ME3: variants seen among roughly 807,000 people sequenced by gnomAD.
The protein encoded by ME3 is malic enzyme 3, also known as NADP-dependent malic enzyme, mitochondrial.
In ME3, 48 loss-of-function variants were observed where a neutral mutation model predicts 68.9. The observed-to-expected ratio is 0.70, with a 90% CI of 0.55 to 0.89. ME3 has a LOEUF of 0.89. Among genes scored for constraint, ME3 ranks in the 40% least tolerant of loss-of-function variants. The pLI is 0.00. For synonymous variants in ME3, 320 were observed against 318.8 expected (o/e 1.00, Z -0.04); for missense variants, 675 against 797.4 (o/e 0.85, Z 1.85).
chr11:86,642,555 G>T, intron 2 of ME3, among the ~76,000 whole-genome samples: 1 of 152,134 alleles, frequency 6.6e-6, no homozygotes, highest in Non-Finnish European at 1.5e-5. Flanking sequence ...ATAAAGATTT[G>T]CCAGGTGTGG....
chr11:86,483,697 T>C (rs1951539592), intron 7 of ME3, among the ~76,000 whole-genome samples: 1 of 152,188 alleles, frequency 6.6e-6, no homozygotes. Flanking sequence ...TCCCTGTATT[T>C]AGGGTTTGGG....
chr11:86,524,410 AT>A (rs945740251), intron 4 of ME3, among the ~76,000 whole-genome samples: 2 of 152,342 alleles, frequency 1.3e-5, no homozygotes, highest in African/African-American at 4.8e-5. Context: ...GTAGTCACAC[AT>A]TTTTTTCCAC....
At chr11:86,656,205 T>A (rs1430942889) in intron 2 of ME3, among the ~76,000 whole-genome samples, 1 of 151,546 alleles carries the variant, frequency 6.6e-6, no homozygotes. Flanking sequence ...TCCTCAGGGA[T>A]CTAGAACTAG....
chr11:86,504,380 CTTTTTTT>C (rs35899335), intron 5 of ME3, among the ~76,000 whole-genome samples: 6 of 77,394 alleles, frequency 7.8e-5, no homozygotes, highest in East Asian at 7.8e-4. Context: ...CCTATACATT[CTTTTTTT>C]TTTTTTTTTT....
intron 4 of ME3, among the ~76,000 whole-genome samples, chr11:86,524,967 G>T (rs536965866): frequency 6.6e-6 from 1 of 152,208 alleles, no homozygotes; most frequent in Admixed American, 6.5e-5. Flanking sequence ...TCAAGATCAG[G>T]AAAGTTAAAG....
intron 2 of ME3, among the ~76,000 whole-genome samples, chr11:86,610,232 C>A (rs1050540984): frequency 5.9e-5 from 9 of 152,006 alleles, no homozygotes; most frequent in South Asian, 4.2e-4. Context: ...GAGGGGGCAG[C>A]AGATGTATTT....
chr11:86,567,975 C>T lies in ME3; in HGVS notation c.184-8152G>A, dbSNP rs2139525557. ...AGGGGTCTGAAGGTAAGAGTAGGGA[C>T]TGTACAACATGTACAAGTCAGAGGA... On this transcript the variant is annotated intron_variant, in intron 2 of 14. Coordinates refer to ENST00000543262, the Ensembl canonical transcript of ME3. Among the ~76,000 whole-genome samples, 2 of 152,286 alleles carry T rather than the reference C, an allele frequency of 1.3e-5. 1 individual carries two copies. The highest frequency in any genetic ancestry group is 4.1e-4 in the South Asian group (2 of 4,824).
intron 2 of ME3, among the ~76,000 whole-genome samples, chr11:86,636,796 G>A (rs1179500781): frequency 6.6e-6 from 1 of 152,172 alleles, no homozygotes; most frequent in African/African-American, 2.4e-5. Context: ...ATCTAAAAGG[G>A]TGTTATGGGA....
downstream of ME3, among the ~76,000 whole-genome samples, chr11:86,438,496 T>G (rs950826679): frequency 3.3e-5 from 5 of 152,200 alleles, no homozygotes; most frequent in Non-Finnish European, 4.4e-5. Context: ...CATAGAATGA[T>G]TTGGGAAGTG....
intron 2 of ME3, among the ~76,000 whole-genome samples, chr11:86,652,588 AG>A (rs1319021982): frequency 1.3e-5 from 2 of 152,144 alleles, no homozygotes; most frequent in African/African-American, 4.8e-5. Context: ...AGAGCTCCTG[AG>A]GGAAGCACTA....
At chr11:86,528,445 A>C (rs1367848468) in intron 4 of ME3, among the ~76,000 whole-genome samples, 3 of 152,162 alleles carry the variant, frequency 2.0e-5, no homozygotes, top group Non-Finnish European at 2.9e-5. Context: ...TAGACAGATC[A>C]ATGAGACAGA....
chr11:86,584,637 TACA>T (rs1565172586), intron 2 of ME3, among the ~76,000 whole-genome samples: 1 of 152,164 alleles, frequency 6.6e-6, no homozygotes, highest in African/African-American at 2.4e-5. Flanking sequence ...GCCTGCAATA[TACA>T]ACAATATGGA....
chr11:86,534,666 C>G (rs566360946), intron 4 of ME3, among the ~76,000 whole-genome samples: 1 of 152,200 alleles, frequency 6.6e-6, no homozygotes, highest in South Asian at 2.1e-4. Flanking sequence ...CAGAGCAAGA[C>G]TATATCTCAA....
chr11:86,568,123 G>A (rs552675288), intron 2 of ME3, among the ~76,000 whole-genome samples: 3 of 152,172 alleles, frequency 2.0e-5, no homozygotes, highest in Admixed American at 1.3e-4. Flanking sequence ...TAAGACAGGC[G>A]GCTTTTGAAA....
chr11:86,531,960 A>G lies in ME3; in HGVS notation c.468-23093T>C, dbSNP rs374171294. Among the ~76,000 whole-genome samples the G allele has an allele frequency of 1.1e-3, 159 of 147,236 alleles. 2 individuals carry two copies. The South Asian group carries it at 0.011, about 10-fold the overall frequency. On this transcript the variant is annotated intron_variant, in intron 4 of 14. Coordinates refer to ENST00000543262, the Ensembl canonical transcript of ME3. ...CCTGCACATTGTGCACATGTACCCT[A>G]AAACTTAAAGTATAATTAAAAAAAA...
intron 2 of ME3, among the ~76,000 whole-genome samples, chr11:86,598,718 C>G (rs1442071530): frequency 6.6e-6 from 1 of 152,230 alleles, no homozygotes; most frequent in Non-Finnish European, 1.5e-5. Flanking sequence ...GGCAGACTAA[C>G]ACCTCACGCG....
intron 2 of ME3, among the ~76,000 whole-genome samples, chr11:86,592,923 C>G (rs746736960): frequency 2.6e-5 from 4 of 152,148 alleles, no homozygotes; most frequent in Non-Finnish European, 5.9e-5. Flanking sequence ...GTCCTGGCTC[C>G]ATGGGTTACT....
intron 5 of ME3, among the ~76,000 whole-genome samples, chr11:86,500,159 ACT>A (rs1952623610): frequency 6.6e-6 from 1 of 151,922 alleles, no homozygotes; most frequent in African/African-American, 2.4e-5. Context: ...GGGTGTCCAA[ACT>A]CTGGGCATTT....
intron 4 of ME3, among the ~76,000 whole-genome samples, chr11:86,553,640 T>C (rs569988594): frequency 6.6e-6 from 1 of 152,292 alleles, no homozygotes; most frequent in African/African-American, 2.4e-5. Flanking sequence ...CACAACGTAT[T>C]CGAGAAGTCT....
Sources: gnomAD v4.1 joint callset for allele counts (sites outside exome capture counted in the v4.1 genomes callset) on GRCh38, gnomAD v4.1.1 for gene constraint, MANE v1.5 for transcripts, NCBI Gene and HGNC (gene_info 2026-07-23, HGNC 2026-07-21) for gene names.